Variants in NCOA2 observed in about 807,000 individuals in gnomAD.
NCOA2 encodes the protein nuclear receptor coactivator 2, also known as class E basic helix-loop-helix protein 75.
NCOA2 carries 21 observed loss-of-function variants against 145.1 expected under a neutral mutation model. The observed-to-expected ratio is 0.14, with a 90% CI of 0.10 to 0.21. NCOA2 has a LOEUF of 0.21. NCOA2 is among the 10% of genes least tolerant of loss of function. The probability of loss-of-function intolerance (pLI) is 1.00; values close to 1 mark genes in which losing one functional copy is unlikely to be tolerated. For synonymous variants in NCOA2, 619 were observed against 637.5 expected (o/e 0.97, Z 0.44); for missense variants, 1,472 against 1,837.6 (o/e 0.80, Z 3.64).
At chr8:70,209,565 T>C (rs2133792041) in intron 4 of NCOA2, among the ~76,000 whole-genome samples, 1 of 152,312 alleles carries the variant, frequency 6.6e-6, no homozygotes, top group South Asian at 2.1e-4. Context: ...GAAATCGTTA[T>C]AGCCACCCCA....
Position 70,138,293 on chromosome 8 carries a change from T to C in NCOA2, c.3068A>G (p.Tyr1023Cys), listed in dbSNP as rs763605157. 3.7e-6 allele frequency: 6 copies of C among 1,613,432 alleles called. No individual in the cohort carries two copies. The highest frequency in any genetic ancestry group is 5.1e-6 in the Non-Finnish European group (6 of 1,179,624). ...ELEMNMGGPQ[Y>C]SQQQAPPNQT... The stretch of plus-strand genomic sequence containing the variant: ...ATTTGGAGGAGCTTGTTGTTGGCTA[T>C]ACTGAGGTCCCCCCATGTTCATCTC... The change falls in exon 15 of 23, where the codon TAT (tyrosine) becomes TGT (cysteine). Residue 1023 changes from tyrosine (Y) to cysteine (C), a missense_variant. By Grantham distance (194) the Tyr-to-Cys change is radical. Transcript: ENST00000452400.
intron 1 of NCOA2, among the ~76,000 whole-genome samples, chr8:70,374,419 C>G (rs556527837): frequency 6.6e-6 from 1 of 150,762 alleles, no homozygotes; most frequent in East Asian, 2.0e-4. Context: ...TTACAATGAG[C>G]TAAGATCACG....
At chr8:70,424,767 C>T in the NCOA2 span, among the ~76,000 whole-genome samples, 2 of 152,186 alleles carry the variant, frequency 1.3e-5, no homozygotes, top group Non-Finnish European at 2.9e-5. Flanking sequence ...TGCAGTAAAA[C>T]GTTATTTAAG....
intron 1 of NCOA2, among the ~76,000 whole-genome samples, chr8:70,395,248 T>C (rs1813547691): frequency 6.6e-6 from 1 of 152,226 alleles, no homozygotes; most frequent in African/African-American, 2.4e-5. Flanking sequence ...AATCATTATT[T>C]ATCATTCCAC....
chr8:70,383,323 C>A (rs1812380841), intron 1 of NCOA2, among the ~76,000 whole-genome samples: 1 of 152,166 alleles, frequency 6.6e-6, no homozygotes, highest in Admixed American at 6.5e-5. Context: ...ATCCCTTGAC[C>A]TATAATTACT....
chr8:70,340,017 G>T (rs941133938), intron 1 of NCOA2, among the ~76,000 whole-genome samples: 1 of 152,154 alleles, frequency 6.6e-6, no homozygotes, highest in Non-Finnish European at 1.5e-5. Context: ...TACCATTCAG[G>T]ACATAAGCAT....
the NCOA2 span, among the ~76,000 whole-genome samples, chr8:70,436,234 A>G: frequency 2.6e-5 from 4 of 152,344 alleles, no homozygotes; most frequent in African/African-American, 7.2e-5. Flanking sequence ...ATTTGTAAGC[A>G]TTACCACAAT....
chr8:70,238,632 C>T (rs1339971711), intron 2 of NCOA2, among the ~76,000 whole-genome samples: 4 of 152,156 alleles, frequency 2.6e-5, no homozygotes, highest in Non-Finnish European at 4.4e-5. Context: ...TTTGAAAAGA[C>T]GAACATGTCA....
chr8:70,231,342 TG>T (rs1456288896), intron 2 of NCOA2, among the ~76,000 whole-genome samples: 1 of 152,246 alleles, frequency 6.6e-6, no homozygotes, highest in Non-Finnish European at 1.5e-5. Flanking sequence ...TCTACTCTGA[TG>T]AAAGAATGCC....
rs753448395 is a variant in NCOA2 at position 70,238,163 on chromosome 8, CGT to C, written c.-19-21401_-19-21400del. Among the ~76,000 whole-genome samples, 250 of 151,686 alleles carry C rather than the reference CGT, an allele frequency of 1.6e-3. 1 individual carries two copies. The Middle Eastern group carries it at 0.021, about 12-fold the overall frequency. On this transcript the variant is annotated intron_variant, in intron 2 of 22. Transcript: ENST00000452400. ...AAGCATGTGCACACGCGCGCGCGCGCGTGTGTGTGTTTTAAACTACTTAGGAA... is the reference window on the plus strand; with the variant it reads ...AAGCATGTGCACACGCGCGCGCGCGCGTGTGTGTTTTAAACTACTTAGGAA...
intron 1 of NCOA2, among the ~76,000 whole-genome samples, chr8:70,307,559 T>C (rs1031625464): frequency 3.3e-5 from 5 of 152,264 alleles, no homozygotes; most frequent in African/African-American, 4.8e-5. Flanking sequence ...ACGACCATTA[T>C]ATAACTGATA....
At chr8:70,246,652 A>G (rs192439137) in intron 2 of NCOA2, among the ~76,000 whole-genome samples, 2 of 152,238 alleles carry the variant, frequency 1.3e-5, no homozygotes, top group Admixed American at 1.3e-4. Flanking sequence ...ACTGTTATGC[A>G]ACAGATCTCC....
At chr8:70,215,184 G>A (rs1819470521) in intron 3 of NCOA2, among the ~76,000 whole-genome samples, 2 of 152,084 alleles carry the variant, frequency 1.3e-5, no homozygotes, top group Admixed American at 6.5e-5. Context: ...AGAGTGGCTG[G>A]AATGCTTAGA....
chr8:70,206,052 T>C (rs1009263980), intron 4 of NCOA2, among the ~76,000 whole-genome samples: 2 of 152,204 alleles, frequency 1.3e-5, no homozygotes, highest in African/African-American at 4.8e-5. Context: ...GTGGGCACTC[T>C]TCACTAAAGC....
chr8:70,225,542 C>T (rs1820549263), intron 2 of NCOA2, among the ~76,000 whole-genome samples: 1 of 144,898 alleles, frequency 6.9e-6, no homozygotes, highest in Admixed American at 6.9e-5. Flanking sequence ...GAGTGAGACT[C>T]TGTCTCAAAA....
chr8:70,171,154 G>A (rs1310649601), intron 5 of NCOA2, among the ~76,000 whole-genome samples: 1 of 152,132 alleles, frequency 6.6e-6, no homozygotes, highest in Non-Finnish European at 1.5e-5. Flanking sequence ...ACTTTTTGTT[G>A]TCATCCCAAC....
At chr8:70,138,103 C>G in intron 15 of NCOA2, 100 bp downstream of exon 15, 1 of 1,291,508 alleles carries the variant, frequency 7.7e-7, no homozygotes, top group Admixed American at 2.6e-5. Flanking sequence ...AATATAGTAC[C>G]AATAAATGAA....
At chr8:70,385,802 T>C (rs79373225) in intron 1 of NCOA2, among the ~76,000 whole-genome samples, 4,898 of 152,352 alleles carry the variant, frequency 0.032, 253 homozygotes, top group African/African-American at 0.11. Context: ...TTCTGCCTTT[T>C]AGGCATCACC....
chr8:70,411,321 A>G, the NCOA2 span, among the ~76,000 whole-genome samples: 1 of 152,240 alleles, frequency 6.6e-6, no homozygotes, highest in Non-Finnish European at 1.5e-5. Context: ...TTGCTAAGGG[A>G]GAAATAGAAC....
Sources: gnomAD v4.1 joint callset for allele counts (sites outside exome capture counted in the v4.1 genomes callset) on GRCh38, gnomAD v4.1.1 for gene constraint, MANE v1.5 for transcripts, NCBI Gene and HGNC (gene_info 2026-07-23, HGNC 2026-07-21) for gene names.